The following ACACB variants were observed in gnomAD, a reference collection of about 807,000 sequenced individuals.
The protein encoded by ACACB is acetyl-CoA carboxylase beta.
A neutral mutation model predicts 278.8 loss-of-function variants in ACACB; 209 were observed. The observed-to-expected ratio is 0.75, with a 90% CI of 0.67 to 0.84. The LOEUF (loss-of-function observed/expected upper bound fraction) is 0.84. ACACB is among the 40% of genes least tolerant of loss of function. ACACB has a pLI of 0.00. For missense variants in ACACB, 2,850 were observed against 3,269.0 expected, an observed-to-expected ratio of 0.87 and a Z score of 3.13; for synonymous variants, 1,174 against 1,285.6, an observed-to-expected ratio of 0.91 and a Z score of 1.86.
At chr12:109,225,306 T>C (rs181116172) in intron 27 of ACACB, among the ~76,000 whole-genome samples, 1 of 152,334 alleles carries the variant, frequency 6.6e-6, no homozygotes, top group African/African-American at 2.4e-5. Context: ...AGTTACTTTT[T>C]AAAGTGCTAA....
At chr12:109,194,544 G>GTGTGTA in intron 16 of ACACB, among the ~76,000 whole-genome samples, 1 of 58,912 alleles carries the variant, frequency 1.7e-5, no homozygotes, top group East Asian at 3.2e-4. Context: ...GTGTGTGTGT[G>GTGTGTA]TGTGTTTACA....
At chr12:109,186,034 G>A (rs1206632521) in intron 12 of ACACB, among the ~76,000 whole-genome samples, 3 of 152,056 alleles carry the variant, frequency 2.0e-5, no homozygotes, top group African/African-American at 4.8e-5. Context: ...AGGTTCAAGC[G>A]ATTCTCCTGC....
At chr12:109,219,800 T>G (rs954352872) in intron 24 of ACACB, among the ~76,000 whole-genome samples, 1 of 152,196 alleles carries the variant, frequency 6.6e-6, no homozygotes, top group Non-Finnish European at 1.5e-5. Flanking sequence ...TCTTCTGTAG[T>G]TTTGAAGTTT....
intron 22 of ACACB, among the ~76,000 whole-genome samples, chr12:109,214,380 C>T (rs570185955): frequency 1.3e-5 from 2 of 152,276 alleles, no homozygotes; most frequent in East Asian, 3.9e-4. Flanking sequence ...GAAAACTGGC[C>T]TCCTTTTCAA....
Position 109,258,293 on chromosome 12 carries a change from A to C in ACACB, c.6289A>C (p.Ile2097Leu). The change falls in exon 46 of 53, where the codon ATT (isoleucine) becomes CTT (leucine). Residue 2097 changes from isoleucine (I) to leucine (L), a missense_variant. Transcript: ENST00000338432. ...ARLGGIPVGV[I>L]AVETRTVEVA... ...GCTTGGGGGGATTCCCGTGGGAGTG[A>C]TTGCTGTGGAGACACGGACTGTGGA... The C allele has an allele frequency of 6.2e-7, 1 of 1,612,556 alleles. No individual in the cohort carries two copies. Among genetic ancestry groups the C allele is most frequent in the Non-Finnish European group, 8.5e-7 (1 of 1,179,818 alleles).
chr12:109,198,265 C>G (rs1297589448), intron 17 of ACACB, among the ~76,000 whole-genome samples: 2 of 152,138 alleles, frequency 1.3e-5, no homozygotes, highest in Non-Finnish European at 2.9e-5. Flanking sequence ...GTTCTACTCT[C>G]CCCAGTTCAA....
In ACACB at chr12:109,207,739, C is replaced by T. The variant is rs1365336245; in HGVS notation, c.3060+883C>T. Among the ~76,000 whole-genome samples, 9 of 152,218 alleles carry T rather than the reference C, an allele frequency of 5.9e-5. No homozygotes were observed. In the East Asian group the frequency reaches 1.7e-3, roughly 29 times the overall value. On this transcript the variant is annotated intron_variant, in intron 20 of 52. Coordinates refer to ENST00000338432, the MANE Select transcript of ACACB (RefSeq NM_001093.4). The stretch of plus-strand genomic sequence containing the variant: ...TGTCACCCACACCAAAGTGTGGTGG[C>T]ACGATCTTGTCTCACTGTAACCTCT...
At chr12:109,190,279 G>T (rs934243071) in intron 13 of ACACB, among the ~76,000 whole-genome samples, 1 of 152,146 alleles carries the variant, frequency 6.6e-6, no homozygotes, top group Non-Finnish European at 1.5e-5. Flanking sequence ...GTAGAGACGG[G>T]ATTTCTCCAT....
At chr12:109,166,721 AGGGGCTCTGGAGAGCAAGTGCAAAGCAGG>A in intron 2 of ACACB, 111 bp from the exon 3 acceptor site, 1 of 759,254 alleles carries the variant, frequency 1.3e-6, no homozygotes, top group Non-Finnish European at 1.9e-6. Context: ...AAATTGCTTC[AGGGGCTCTGGAGAGCAAGTGCAAAGCAGG>A]GGGGCTCTGG....
chr12:109,137,387 C>T (rs2042991663), intron 1 of ACACB, among the ~76,000 whole-genome samples: 1 of 152,086 alleles, frequency 6.6e-6, no homozygotes, highest in Non-Finnish European at 1.5e-5. Context: ...TGGCAGGGCA[C>T]AGTGTCTCAC....
intron 27 of ACACB, among the ~76,000 whole-genome samples, chr12:109,224,441 G>A (rs1182117329): frequency 6.6e-6 from 1 of 151,724 alleles, no homozygotes; most frequent in Non-Finnish European, 1.5e-5. Flanking sequence ...AGGTGGTCTT[G>A]CTCCCGGGAG....
chr12:109,244,397 GAATAA>G (rs1416818653), intron 37 of ACACB, among the ~76,000 whole-genome samples: 4 of 152,132 alleles, frequency 2.6e-5, no homozygotes, highest in Non-Finnish European at 5.9e-5. Flanking sequence ...TGTAAAATAA[GAATAA>G]TAACAGTACC....
chr12:109,184,841 G>C (rs2044598611), intron 11 of ACACB, among the ~76,000 whole-genome samples: 1 of 151,818 alleles, frequency 6.6e-6, no homozygotes. Context: ...TGAGTAGCTG[G>C]GACCACAGGT....
intron 52 of ACACB, 52 bp downstream of exon 52, chr12:109,265,577 G>T (rs1396891895): frequency 3.8e-6 from 6 of 1,595,872 alleles, no homozygotes; most frequent in Non-Finnish European, 5.1e-6. Context: ...ACCCGAGCCT[G>T]GATTGACCCC....
chr12:109,255,130 G>C (rs575301920), intron 44 of ACACB, among the ~76,000 whole-genome samples: 1 of 151,944 alleles, frequency 6.6e-6, no homozygotes, highest in African/African-American at 2.4e-5. Flanking sequence ...ACGTGGACAC[G>C]TGAACACACA....
intron 17 of ACACB, among the ~76,000 whole-genome samples, chr12:109,198,832 C>A (rs567975694): frequency 6.6e-6 from 1 of 151,878 alleles, no homozygotes; most frequent in East Asian, 1.9e-4. Context: ...CACTGTGTTG[C>A]CCAAGCTTGT....
intron 37 of ACACB, among the ~76,000 whole-genome samples, chr12:109,244,065 G>A (rs2046875306): frequency 6.6e-6 from 1 of 152,054 alleles, no homozygotes; most frequent in Admixed American, 6.6e-5. Flanking sequence ...TACAGAATGG[G>A]AGAAAATTTT....
chr12:109,228,033 CAAA>C (rs1444511686), intron 28 of ACACB, among the ~76,000 whole-genome samples: 4 of 71,914 alleles, frequency 5.6e-5, no homozygotes, highest in Admixed American at 1.7e-4. Flanking sequence ...GACTCCGTCT[CAAA>C]AAAAAAAAAA....
At chr12:109,154,353 G>A (rs1245353301) in intron 2 of ACACB, among the ~76,000 whole-genome samples, 1 of 152,212 alleles carries the variant, frequency 6.6e-6, no homozygotes, top group Non-Finnish European at 1.5e-5. Context: ...GACTTTTAAC[G>A]GGCACAGTGG....
Sources: gnomAD v4.1 joint callset for allele counts (sites outside exome capture counted in the v4.1 genomes callset) on GRCh38, gnomAD v4.1.1 for gene constraint, MANE v1.5 for transcripts, NCBI Gene and HGNC (gene_info 2026-07-23, HGNC 2026-07-21) for gene names.